CNPY1: variants seen among roughly 807,000 people sequenced by gnomAD.
CNPY1 encodes the protein protein canopy homolog 1.
CNPY1 carries 14 observed loss-of-function variants against 14.4 expected under a neutral mutation model. The observed-to-expected ratio is 0.97, with a 90% confidence interval of 0.64 to 1.52. The LOEUF is 1.52. CNPY1 is among the 40% of genes most tolerant of loss of function. The pLI is 0.00. For synonymous variants in CNPY1, 43 were observed against 46.5 expected (o/e 0.92, Z 0.31); for missense variants, 129 against 131.5 (o/e 0.98, Z 0.09).
At chr7:155,514,905 G>GTAAAA (rs1159570893) in intron 2 of CNPY1, among the ~76,000 whole-genome samples, 23 of 148,878 alleles carry the variant, frequency 1.5e-4, no homozygotes, top group African/African-American at 2.3e-4. Context: ...AAAAAATAAA[G>GTAAAA]TAAAATAAAA....
At chr7:155,519,147 G>C (rs1796673053) in intron 2 of CNPY1, among the ~76,000 whole-genome samples, 1 of 152,172 alleles carries the variant, frequency 6.6e-6, no homozygotes, top group Non-Finnish European at 1.5e-5. Flanking sequence ...CACCCCAGGG[G>C]CCGGGAAAGG....
At chr7:155,535,291 C>CCTATGGGCGGCA (rs1797010277) in intron 2 of CNPY1, among the ~76,000 whole-genome samples, 1 of 152,158 alleles carries the variant, frequency 6.6e-6, no homozygotes, top group Non-Finnish European at 1.5e-5. Context: ...TGCCCTGCCT[C>CCTATGGGCGGCA]CAGGAAGGTG....
At chr7:155,534,261 TGA>T (rs1796993487) in intron 2 of CNPY1, among the ~76,000 whole-genome samples, 1 of 152,116 alleles carries the variant, frequency 6.6e-6, no homozygotes, top group Admixed American at 6.5e-5. Context: ...GTCTCTGCTC[TGA>T]GATAGGTGAC....
At chr7:155,515,813 CTCTT>C (rs1161843514) in intron 2 of CNPY1, among the ~76,000 whole-genome samples, 1 of 152,102 alleles carries the variant, frequency 6.6e-6, no homozygotes, top group African/African-American at 2.4e-5. Context: ...AGAAAGACAG[CTCTT>C]TCTTTAAAAA....
At chr7:155,530,653 T>C (rs994447809) in intron 2 of CNPY1, among the ~76,000 whole-genome samples, 1 of 152,252 alleles carries the variant, frequency 6.6e-6, no homozygotes, top group South Asian at 2.1e-4. Flanking sequence ...TCATTCTTTA[T>C]ATGGCTACAG....
chr7:155,512,088 T>C (rs1796543253), intron 2 of CNPY1, among the ~76,000 whole-genome samples: 1 of 152,184 alleles, frequency 6.6e-6, no homozygotes, highest in African/African-American at 2.4e-5. Context: ...GTGAAGATTT[T>C]GAATAGTACT....
chr7:155,505,627 G>T (rs1023895869), intron 4 of CNPY1, among the ~76,000 whole-genome samples: 1 of 152,168 alleles, frequency 6.6e-6, no homozygotes, highest in African/African-American at 2.4e-5. Context: ...CTGAGAGAGG[G>T]CCCATGTAGC....
chr7:155,538,674 T>C (rs1324648026), intron 2 of CNPY1, among the ~76,000 whole-genome samples: 1 of 152,188 alleles, frequency 6.6e-6, no homozygotes, highest in African/African-American at 2.4e-5. Flanking sequence ...GGGGGAGTTC[T>C]GGGGGCTGGG....
At chr7:155,535,820 G>A (rs867864244) in intron 2 of CNPY1, among the ~76,000 whole-genome samples, 6 of 152,198 alleles carry the variant, frequency 3.9e-5, no homozygotes, top group Non-Finnish European at 4.4e-5. Context: ...TTTGGAAGGC[G>A]GTGGACGGAG....
chr7:155,532,782 T>C (rs146403795), intron 2 of CNPY1, among the ~76,000 whole-genome samples: 1 of 152,240 alleles, frequency 6.6e-6, no homozygotes, highest in Non-Finnish European at 1.5e-5. Context: ...CTTCCCATAT[T>C]ATTACAATGG....
At chr7:155,528,108 G>A (rs1585324643) in intron 2 of CNPY1, among the ~76,000 whole-genome samples, 2 of 152,240 alleles carry the variant, frequency 1.3e-5, no homozygotes, top group Admixed American at 6.5e-5. Context: ...GTCTCCATGT[G>A]GCTGGAGAGG....
In CNPY1 at chr7:155,502,939, G is replaced by T. The variant is rs180728200; in HGVS notation, c.*129C>A. 5.4e-6 allele frequency: 4 copies of T among 739,924 alleles called. No homozygotes were observed. In the East Asian group the frequency reaches 8.1e-5, roughly 15 times the overall value. 45.8% of individuals were successfully genotyped at this position (739,924 alleles called of 1,614,324 possible). A position where few individuals can be genotyped will look rare whatever the true frequency, so the allele number is the denominator to read the frequency against. On this transcript the variant is annotated 3_prime_UTR_variant, in exon 5 of 5. Coordinates refer to ENST00000636446, the MANE Select transcript of CNPY1 (RefSeq NM_001393663.1). ...CAGATTTTCAAAATGAATCATAAAC[G>T]GAGACAAACACGGTATAAACAAGAG...
Position 155,501,223 on chromosome 7 carries a change from G to A in CNPY1, c.*1845C>T, listed in dbSNP as rs900984281. The A allele has an allele frequency of 8.5e-5, 13 of 152,132 alleles. No homozygotes were observed. Among genetic ancestry groups the A allele is most frequent in the African/African-American group, 2.9e-4 (12 of 41,432 alleles). The allele number at this position is 152,132 out of a possible 1,614,324, so 9.4% of individuals were successfully genotyped here. A position where few individuals can be genotyped will look rare whatever the true frequency, so the allele number is the denominator to read the frequency against. On this transcript the variant is annotated 3_prime_UTR_variant, in exon 5 of 5. Coordinates refer to ENST00000636446, the MANE Select transcript of CNPY1 (RefSeq NM_001393663.1). ...ACCTTAGATAGTCACTGTAAGTCAA[G>A]GTTCCTCGCCCTCTCCATTCAAAGC...
At chr7:155,513,459 T>C (rs1392844749) in intron 2 of CNPY1, among the ~76,000 whole-genome samples, 1 of 152,134 alleles carries the variant, frequency 6.6e-6, no homozygotes, top group African/African-American at 2.4e-5. Context: ...TTACCACAAA[T>C]AATAATATAC....
intron 2 of CNPY1, among the ~76,000 whole-genome samples, chr7:155,520,428 CTTTTTTTTTTTTTTTTTT>C (rs71522007): frequency 1.4e-5 from 1 of 69,410 alleles, no homozygotes; most frequent in Non-Finnish European, 2.4e-5. Context: ...TTCTTTCTTT[CTTTTTTTTTTTTTTTTTT>C]TTTTTTTTGA....
Position 155,502,866 on chromosome 7 carries a change from T to C in CNPY1, c.*202A>G. Reference sequence around the variant, plus strand: ...GGTTAATTTAAGTTTCATGTACTCCTCAGCTTCACCTATAAAAAAACGCAG... The same window carrying C: ...GGTTAATTTAAGTTTCATGTACTCCCCAGCTTCACCTATAAAAAAACGCAG... On this transcript the variant is annotated 3_prime_UTR_variant, in exon 5 of 5. Transcript: ENST00000636446. The C allele has an allele frequency of 1.9e-6, 1 of 532,914 alleles. No individual in the cohort carries two copies. The allele number at this position is 532,914 out of a possible 1,614,324, so 33.0% of individuals were successfully genotyped here.
rs147967419 is a variant in CNPY1, at chr7:155,520,719, A to T, written c.100-11622T>A. The stretch of plus-strand genomic sequence containing the variant: ...ATTATTTAAAAATTAATAATCTCAA[A>T]ATGACATTAAATGTCTTCCCTCTTG... On this transcript the variant is annotated intron_variant, in intron 2 of 4. Transcript: ENST00000636446. Among the ~76,000 whole-genome samples, 278 of 152,170 alleles carry T rather than the reference A, an allele frequency of 1.8e-3. 3 individuals carry two copies. The highest frequency in any genetic ancestry group is 6.4e-3 in the African/African-American group (264 of 41,534).
intron 2 of CNPY1, among the ~76,000 whole-genome samples, chr7:155,512,067 C>A (rs574742125): frequency 2.0e-5 from 3 of 152,176 alleles, no homozygotes; most frequent in South Asian, 2.1e-4. Context: ...AAAACGAAGT[C>A]TTTCTATACT....
rs1282143213 is a variant in CNPY1, at chr7:155,513,694, G to A, written c.100-4597C>T. Among the ~76,000 whole-genome samples, 3 of 151,130 alleles carry A rather than the reference G, an allele frequency of 2.0e-5. No homozygotes were observed. In the East Asian group the frequency reaches 5.8e-4, roughly 29 times the overall value. ...GAATTCATTTTTCTTTTTAATTTCT[G>A]GAGCTTATTTTCAACTTAACAGTGA... On this transcript the variant is annotated intron_variant, in intron 2 of 4. Transcript: ENST00000636446.
Sources: allele counts gnomAD v4.1 joint callset (sites outside exome capture counted in the v4.1 genomes callset), GRCh38; gene constraint gnomAD v4.1.1; transcripts MANE v1.5; gene names NCBI Gene and HGNC (gene_info 2026-07-23, HGNC 2026-07-21).